ACOT8: variants seen among roughly 807,000 people sequenced by gnomAD.
ACOT8 encodes the protein acyl-CoA thioesterase 8.
In ACOT8, 31 loss-of-function variants were observed where a neutral mutation model predicts 38.4. That is an observed-to-expected ratio of 0.81 (90% CI 0.61 to 1.09). ACOT8 has a LOEUF of 1.09. Ranked by LOEUF, ACOT8 falls within the 50% of genes least tolerant of loss-of-function variation. The pLI is 0.00. For synonymous variants in ACOT8, 158 were observed against 170.3 expected (o/e 0.93, Z 0.56); for missense variants, 373 against 421.8 (o/e 0.88, Z 1.01).
At chr20:45,842,009 C>A in intron 5 of ACOT8, 53 bp from the exon 6 acceptor site, 1 of 1,477,894 alleles carries the variant, frequency 6.8e-7, no homozygotes, top group Non-Finnish European at 9.2e-7. Flanking sequence ...GCCAAATACA[C>A]TTTTTTTTTT....
intron 2 of ACOT8, among the ~76,000 whole-genome samples, chr20:45,854,355 A>T (rs958509026): frequency 6.9e-6 from 1 of 145,650 alleles, no homozygotes; most frequent in Admixed American, 6.8e-5. Flanking sequence ...GACTACAGGC[A>T]CCCACCACCA....
intron 3 of ACOT8, among the ~76,000 whole-genome samples, chr20:45,844,956 T>G (rs1331906602): frequency 6.6e-6 from 1 of 152,222 alleles, no homozygotes. Flanking sequence ...GGTCGTCTTC[T>G]CACCCAGGCT....
chr20:45,846,542 G>A lies in ACOT8; in HGVS notation c.488+1908C>T, dbSNP rs60978433. On this transcript the variant is annotated intron_variant, in intron 3 of 5. Transcript: ENST00000217455. ...AGGTTCCCAAACCCACATCCATCCCGTCATACTCTGCTGCCTCCCCAGTAT... is the reference window on the plus strand; with the variant it reads ...AGGTTCCCAAACCCACATCCATCCCATCATACTCTGCTGCCTCCCCAGTAT... Among the ~76,000 whole-genome samples the A allele has an allele frequency of 0.01, 1,549 of 152,192 alleles. 61 individuals are homozygous for A. The East Asian group carries it at 0.13, about 13-fold the overall frequency.
At chr20:45,849,484 T>G (rs1427872683) in intron 2 of ACOT8, among the ~76,000 whole-genome samples, 20 of 149,932 alleles carry the variant, frequency 1.3e-4, no homozygotes, top group African/African-American at 4.2e-4. Flanking sequence ...ACAGTTTCGC[T>G]GGGTCACCGA....
chr20:45,857,060 TA>T, intron 1 of ACOT8, 127 bp downstream of exon 1: 1 of 1,142,112 alleles, frequency 8.8e-7, no homozygotes, highest in African/African-American at 1.6e-5. Context: ...AGTTCTCTCC[TA>T]ATCGTGGCAG....
At chr20:45,854,400 C>G (rs1311924900) in intron 2 of ACOT8, among the ~76,000 whole-genome samples, 2 of 152,098 alleles carry the variant, frequency 1.3e-5, no homozygotes, top group African/African-American at 4.8e-5. Context: ...TTAGTAGAGA[C>G]GGGGTTTCAC....
intron 3 of ACOT8, among the ~76,000 whole-genome samples, chr20:45,845,050 G>A (rs1390883136): frequency 6.6e-6 from 1 of 152,130 alleles, no homozygotes; most frequent in African/African-American, 2.4e-5. Flanking sequence ...CCGAGTAGCT[G>A]GGACTAGAGG....
At chr20:45,854,089 A>G (rs1009669903) in intron 2 of ACOT8, 17 of 793,064 alleles carry the variant, frequency 2.1e-5, no homozygotes, top group Admixed American at 1.9e-4. Context: ...TTGTAGAGAC[A>G]AGGTCTCGAT....
chr20:45,851,408 G>A (rs1985050507), intron 2 of ACOT8, among the ~76,000 whole-genome samples: 1 of 152,216 alleles, frequency 6.6e-6, no homozygotes, highest in Non-Finnish European at 1.5e-5. Context: ...TTGGTCTGCA[G>A]GTAAGCTAAA....
At chr20:45,843,803 C>T (rs751325624) in intron 4 of ACOT8, 82 bp from the exon 5 acceptor site, 17 of 1,553,704 alleles carry the variant, frequency 1.1e-5, no homozygotes, top group Admixed American at 5.4e-5. Context: ...AAGGGACTCC[C>T]GTGCATGGGT....
intron 5 of ACOT8, chr20:45,843,263 G>T (rs1984390635): frequency 3.1e-6 from 2 of 639,122 alleles, no homozygotes; most frequent in Non-Finnish European, 5.6e-6. Flanking sequence ...GTAATACAAA[G>T]AATCTGAACT....
intron 5 of ACOT8, 95 bp from the exon 6 acceptor site, chr20:45,842,051 G>A (rs990468214): frequency 1.5e-5 from 23 of 1,548,826 alleles, no homozygotes; most frequent in Non-Finnish European, 1.6e-5. Flanking sequence ...TAAGTTGCCA[G>A]GCTGGTCTCA....
intron 5 of ACOT8, chr20:45,842,789 G>T: frequency 3.0e-6 from 3 of 990,586 alleles, no homozygotes; most frequent in Non-Finnish European, 3.6e-6. Context: ...CTCACTTCAA[G>T]GTTATCAATC....
In ACOT8 at chr20:45,841,751, G is replaced by T; in HGVS notation, c.*87C>A. The T allele has an allele frequency of 6.8e-7, 1 of 1,459,894 alleles. No homozygotes were observed. 90.4% of individuals were successfully genotyped at this position (1,459,894 alleles called of 1,614,324 possible). A position where few individuals can be genotyped will look rare whatever the true frequency, so the allele number is the denominator to read the frequency against. On this transcript the variant is annotated 3_prime_UTR_variant, in exon 6 of 6. Coordinates refer to ENST00000217455, the MANE Select transcript of ACOT8 (RefSeq NM_005469.4). ...TGGTATCAGTCTCTTTATTGGATGT[G>T]AGGGCCAAAAGGGACTGTAACTCCT...
At chr20:45,842,604 A>C (rs1352684593) in intron 5 of ACOT8, 45 of 993,230 alleles carry the variant, frequency 4.5e-5, no homozygotes, top group Non-Finnish European at 5.2e-5. Context: ...TTTGGGCCCA[A>C]GTTTGATGTT....
chr20:45,851,908 C>G (rs1985086994), intron 2 of ACOT8, among the ~76,000 whole-genome samples: 1 of 152,144 alleles, frequency 6.6e-6, no homozygotes, highest in Admixed American at 6.5e-5. Context: ...AGAAAAAGAA[C>G]TGATTTGATA....
chr20:45,845,833 T>TG (rs1984647081), intron 3 of ACOT8, among the ~76,000 whole-genome samples: 1 of 148,700 alleles, frequency 6.7e-6, no homozygotes, highest in Non-Finnish European at 1.5e-5. Flanking sequence ...TTTGGTTTTT[T>TG]TTTGTTTTTT....
chr20:45,848,234 C>G (rs144187793), intron 3 of ACOT8, among the ~76,000 whole-genome samples: 1 of 152,218 alleles, frequency 6.6e-6, no homozygotes, highest in East Asian at 1.9e-4. Flanking sequence ...ATACCATGAC[C>G]CAGTACAGAC....
At position 45,844,246 on chromosome 20, in the gene ACOT8, C is replaced by T. The variant is rs966051704; in HGVS notation, c.646+17G>A. ...CCCTTGGAGAGTGGTTTCCTCCCAT[C>T]CATGGGGTACTCTTACCAATATAGC... On this transcript the variant is annotated intron_variant, in intron 4 of 5. Coordinates refer to ENST00000217455, the MANE Select transcript of ACOT8 (RefSeq NM_005469.4). The T allele has an allele frequency of 6.2e-7, 1 of 1,614,166 alleles. No individual in the cohort carries two copies. The highest frequency in any genetic ancestry group is 8.5e-7 in the Non-Finnish European group (1 of 1,180,038).
Sources: allele counts gnomAD v4.1 joint callset (sites outside exome capture counted in the v4.1 genomes callset), GRCh38; gene constraint gnomAD v4.1.1; transcripts MANE v1.5; gene names NCBI Gene and HGNC (gene_info 2026-07-23, HGNC 2026-07-21).